COLEC11: variants seen among roughly 807,000 people sequenced by gnomAD.
COLEC11 encodes collectin-11.
In COLEC11, 20 loss-of-function variants were observed where a neutral mutation model predicts 27.3. The observed-to-expected ratio is 0.73, with a 90% CI of 0.51 to 1.06. The LOEUF (loss-of-function observed/expected upper bound fraction) is 1.06. COLEC11 is among the 50% of genes least tolerant of loss of function. COLEC11 has a pLI of 0.00. For missense variants in COLEC11, 310 were observed against 383.0 expected (o/e 0.81, Z 1.59); for synonymous variants, 163 against 154.7 (o/e 1.05, Z -0.40).
chr2:3,641,600 C>G (rs1425618631), intron 5 of COLEC11, among the ~76,000 whole-genome samples: 1 of 152,160 alleles, frequency 6.6e-6, no homozygotes, highest in Non-Finnish European at 1.5e-5. Context: ...CCTCAGCCAG[C>G]TTGAAGATAA....
chr2:3,636,519 T>A (rs548105327), intron 3 of COLEC11, among the ~76,000 whole-genome samples: 1 of 152,210 alleles, frequency 6.6e-6, no homozygotes, highest in Non-Finnish European at 1.5e-5. Context: ...ATTTCCCGCA[T>A]TGAATTTCAT....
chr2:3,605,310 G>GA (rs1662567563), intron 2 of COLEC11, among the ~76,000 whole-genome samples: 3 of 109,138 alleles, frequency 2.7e-5, no homozygotes, highest in South Asian at 3.9e-4. Context: ...AGGAGGGGGC[G>GA]GGGGAGTCAC....
intron 3 of COLEC11, 25 bp from the exon 4 acceptor site, chr2:3,637,508 A>T (rs1665514416): frequency 6.2e-7 from 1 of 1,609,282 alleles, no homozygotes; most frequent in Non-Finnish European, 8.5e-7. Flanking sequence ...GCATCGACCA[A>T]CTTTGCTCTT....
intron 3 of COLEC11, among the ~76,000 whole-genome samples, chr2:3,616,879 A>G (rs13004733): frequency 0.57 from 86,140 of 152,064 alleles, 27,302 homozygotes; most frequent in South Asian, 0.75. Context: ...CTCCAGGTTC[A>G]TCCAGGTCAC....
intron 5 of COLEC11, 88 bp downstream of exon 5, chr2:3,640,419 C>A (rs1665758589): frequency 1.3e-6 from 1 of 761,050 alleles, no homozygotes; most frequent in Non-Finnish European, 2.3e-6. Flanking sequence ...CATGTAGATC[C>A]CACAGTGGAC....
At chr2:3,627,901 G>A (rs1295804697) in intron 3 of COLEC11, among the ~76,000 whole-genome samples, 4 of 152,226 alleles carry the variant, frequency 2.6e-5, no homozygotes, top group African/African-American at 7.2e-5. Flanking sequence ...TCCTGAAGGG[G>A]AGGAGCATCC....
intron 1 of COLEC11, 142 bp from the exon 2 acceptor site, chr2:3,604,173 G>T: frequency 1.2e-6 from 1 of 848,926 alleles, no homozygotes; most frequent in Non-Finnish European, 1.9e-6. Context: ...GCTTGAGTGA[G>T]TGAGGAGCAC....
chr2:3,610,614 A>G (rs543876524), intron 2 of COLEC11, among the ~76,000 whole-genome samples: 1 of 152,238 alleles, frequency 6.6e-6, no homozygotes, highest in East Asian at 1.9e-4. Flanking sequence ...TGGGCTGCCT[A>G]CTGCCTCGGG....
At chr2:3,605,151 G>C (rs1159476393) in intron 2 of COLEC11, 2 of 463,358 alleles carry the variant, frequency 4.3e-6, no homozygotes, top group Middle Eastern at 3.5e-4. Context: ...GGGGAGCCCG[G>C]TGTGAAATGA....
At position 3,644,300 on chromosome 2, in the gene COLEC11, TC is replaced by T. The variant is rs748943052; in HGVS notation, c.*184del. 13 of 769,828 alleles carry T rather than the reference TC, an allele frequency of 1.7e-5. No individual in the cohort carries two copies. The highest frequency in any genetic ancestry group is 1.2e-4 in the South Asian group (8 of 68,358). The allele number at this position is 769,828 out of a possible 1,614,324, so 47.7% of individuals were successfully genotyped here. On this transcript the variant is annotated 3_prime_UTR_variant, in exon 7 of 7. Transcript: ENST00000349077. The stretch of plus-strand genomic sequence containing the variant: ...ATGCTTAAGAGGAAAATGAAAGTGT[TC>T]CTGGGGTGCTGTCTCTGAAGAAGCA...
At position 3,596,636 on chromosome 2, in the gene COLEC11, C is replaced by T. The variant is rs566461363; in HGVS notation, c.-27+1468C>T. Among the ~76,000 whole-genome samples the T allele has an allele frequency of 5.3e-5, 8 of 152,230 alleles. No homozygotes were observed. The East Asian group carries it at 1.2e-3, about 22-fold the overall frequency. ...ATAGGCATGAGCCACTGGGCCTGGC[C>T]CCATTGTTTATTTCATTCATAACAT... On this transcript the variant is annotated intron_variant, in intron 1 of 6. Transcript: ENST00000349077.
intron 2 of COLEC11, 47 bp from the exon 3 acceptor site, chr2:3,613,264 C>A: frequency 1.3e-6 from 2 of 1,565,214 alleles, no homozygotes; most frequent in Non-Finnish European, 1.7e-6. Flanking sequence ...CTCTGAGACG[C>A]TGTGCTGGCC....
chr2:3,598,180 C>T (rs1006428201), intron 1 of COLEC11, among the ~76,000 whole-genome samples: 7 of 152,208 alleles, frequency 4.6e-5, no homozygotes, highest in African/African-American at 1.7e-4. Context: ...AGGTGATCCA[C>T]CCACCTCGGC....
chr2:3,628,768 C>G (rs1381008629), intron 3 of COLEC11, among the ~76,000 whole-genome samples: 1 of 152,382 alleles, frequency 6.6e-6, no homozygotes, highest in East Asian at 1.9e-4. Flanking sequence ...CTTCAGAGGA[C>G]TGTGTGAAGT....
At chr2:3,606,085 CTT>C (rs1662669040) in intron 2 of COLEC11, 1 of 1,550,236 alleles carries the variant, frequency 6.5e-7, no homozygotes, top group South Asian at 1.2e-5. Context: ...TTGGCCCTGA[CTT>C]TGTGGTAGCG....
At chr2:3,630,647 G>A (rs1348675072) in intron 3 of COLEC11, among the ~76,000 whole-genome samples, 1 of 152,192 alleles carries the variant, frequency 6.6e-6, no homozygotes, top group African/African-American at 2.4e-5. Flanking sequence ...GTTTTATAAG[G>A]AGAATGAGCA....
intron 1 of COLEC11, among the ~76,000 whole-genome samples, chr2:3,598,060 C>T (rs1347645116): frequency 6.6e-6 from 1 of 152,090 alleles, no homozygotes; most frequent in African/African-American, 2.4e-5. Context: ...CTCAGCCTCC[C>T]GAGTCACTGG....
intron 2 of COLEC11, among the ~76,000 whole-genome samples, chr2:3,609,342 T>TTTTTC (rs70938956): frequency 0.11 from 8,226 of 74,978 alleles, 1,745 homozygotes; most frequent in South Asian, 0.2. Context: ...CTATGAACTA[T>TTTTTC]TTTTCTTTGA....
rs527746225 is a variant in COLEC11, at chr2:3,597,426, G to C, written c.-27+2258G>C. 2.6e-5 allele frequency among the ~76,000 whole-genome samples: 4 copies of C among 152,192 alleles called. No individual in the cohort carries two copies. In the South Asian group the frequency reaches 8.3e-4, roughly 32 times the overall value. On this transcript the variant is annotated intron_variant, in intron 1 of 6. Coordinates refer to ENST00000349077, the MANE Select transcript of COLEC11 (RefSeq NM_024027.5). ...TGAAGGCACGAGAAATCCCGCCTGG[G>C]CTGCTCTGGGATCAGCAGATGAGTG...
Sources: gnomAD v4.1 joint callset for allele counts (sites outside exome capture counted in the v4.1 genomes callset) on GRCh38, gnomAD v4.1.1 for gene constraint, MANE v1.5 for transcripts, NCBI Gene and HGNC (gene_info 2026-07-23, HGNC 2026-07-21) for gene names.